The following SYK variants were observed in gnomAD, a reference collection of about 807,000 sequenced individuals.
The protein encoded by SYK is spleen associated tyrosine kinase, also known as tyrosine-protein kinase SYK.
Under a neutral mutation model 77.8 loss-of-function variants are expected in SYK, and 16 were observed. The ratio of observed to expected loss-of-function variants is 0.21; its 90% CI spans 0.14 to 0.31. The LOEUF (loss-of-function observed/expected upper bound fraction) is 0.31. Among genes scored for constraint, SYK ranks in the 10% least tolerant of loss-of-function variants. The pLI, the probability that SYK is intolerant of heterozygous loss-of-function variation, is 1.00. For missense variants in SYK, 529 were observed against 814.4 expected, an observed-to-expected ratio of 0.65 and a Z score of 4.26; for synonymous variants, 312 against 308.7, an observed-to-expected ratio of 1.01 and a Z score of -0.11.
chr9:90,844,448 A>G, intron 2 of SYK, 133 bp downstream of exon 2: 8 of 1,103,924 alleles, frequency 7.2e-6, no homozygotes, highest in Non-Finnish European at 2.5e-6. Flanking sequence ...TTAAGCATCA[A>G]TTTTGGCCAA....
chr9:90,895,734 C>A lies in SYK; in HGVS notation c.*134C>A. On this transcript the variant is annotated 3_prime_UTR_variant, in exon 14 of 14. Transcript: ENST00000375754. The surrounding 1 kb of genome is among the most constrained non-coding windows in gnomAD (Gnocchi z 4.4). ...AGGCTTGGATGGAACATGCCCACAA[C>A]TTGTCACCCAAAGCCTGTCCCAGGA... The A allele has an allele frequency of 2.6e-6, 2 of 780,808 alleles. No homozygotes were observed. The highest frequency in any genetic ancestry group is 1.6e-5 in the South Asian group (1 of 61,506). The allele number at this position is 780,808 out of a possible 1,614,324, so 48.4% of individuals were successfully genotyped here. A position where few individuals can be genotyped will look rare whatever the true frequency, so the allele number is the denominator to read the frequency against.
At chr9:90,855,882 T>C (rs1488463811) in intron 3 of SYK, among the ~76,000 whole-genome samples, 1 of 152,190 alleles carries the variant, frequency 6.6e-6, no homozygotes, top group Non-Finnish European at 1.5e-5. Flanking sequence ...GGGGATATGG[T>C]GTGAGCCTGT....
intron 3 of SYK, among the ~76,000 whole-genome samples, chr9:90,846,985 A>G (rs532484937): frequency 3.7e-4 from 56 of 152,372 alleles, no homozygotes; most frequent in African/African-American, 1.3e-3. Context: ...AGGCTGGCCA[A>G]CTTCTGCTGG....
intron 5 of SYK, 63 bp from the exon 6 acceptor site, chr9:90,864,985 G>A: frequency 6.7e-7 from 1 of 1,499,868 alleles, no homozygotes; most frequent in South Asian, 1.1e-5. Flanking sequence ...GATCTGCAGT[G>A]GGGAGGGGAA....
At position 90,808,653 on chromosome 9, in the gene SYK, C is replaced by G. The variant is rs148304352; in HGVS notation, c.-42+6760C>G. Among the ~76,000 whole-genome samples the G allele has an allele frequency of 2.8e-4, 43 of 152,194 alleles. 1 individual carries two copies. The East Asian group carries it at 7.9e-3, about 28-fold the overall frequency. On this transcript the variant is annotated intron_variant, in intron 1 of 13. Transcript: ENST00000375754. ...TGGGTATGGCCATGCCTTCCCTATT[C>G]AAACGAAGCCACACACCTGTCTTTT...
At chr9:90,894,370 C>T (rs939568468) in intron 13 of SYK, among the ~76,000 whole-genome samples, 1 of 152,208 alleles carries the variant, frequency 6.6e-6, no homozygotes, top group African/African-American at 2.4e-5. Flanking sequence ...CAGACATGAC[C>T]ACAGATGGCT....
chr9:90,867,005 T>A, intron 6 of SYK, 126 bp from the exon 7 acceptor site: 3 of 980,492 alleles, frequency 3.1e-6, no homozygotes, highest in Non-Finnish European at 4.7e-6. Flanking sequence ...GTCGATCTCA[T>A]TGGCAGGGAC....
chr9:90,830,975 C>A (rs1386882330), intron 1 of SYK, among the ~76,000 whole-genome samples: 1 of 152,202 alleles, frequency 6.6e-6, no homozygotes, highest in African/African-American at 2.4e-5. Flanking sequence ...AGAGGAAATT[C>A]CTAGGCACAT....
intron 1 of SYK, among the ~76,000 whole-genome samples, chr9:90,838,954 G>A (rs983198344): frequency 6.6e-6 from 1 of 152,196 alleles, no homozygotes; most frequent in Non-Finnish European, 1.5e-5. Context: ...GGTGGGGGTG[G>A]CAGAGATGCC....
At chr9:90,816,060 T>C (rs1825281580) in intron 1 of SYK, among the ~76,000 whole-genome samples, 2 of 152,192 alleles carry the variant, frequency 1.3e-5, no homozygotes, top group South Asian at 4.1e-4. Context: ...TCATTGTTTT[T>C]TGTTTGTTTG....
At chr9:90,843,245 G>A (rs1057070758) in intron 1 of SYK, among the ~76,000 whole-genome samples, 8 of 152,160 alleles carry the variant, frequency 5.3e-5, no homozygotes, top group Admixed American at 4.6e-4. Context: ...GGCTGGAGGT[G>A]GGAAGGCCTT....
At chr9:90,839,633 T>A (rs565096070) in intron 1 of SYK, among the ~76,000 whole-genome samples, 110 of 152,354 alleles carry the variant, frequency 7.2e-4, no homozygotes, top group African/African-American at 2.4e-3. Context: ...AAGATTTATA[T>A]GAATTAAAAA....
intron 1 of SYK, among the ~76,000 whole-genome samples, chr9:90,840,153 G>A (rs1414198400): frequency 6.6e-6 from 1 of 152,192 alleles, no homozygotes; most frequent in African/African-American, 2.4e-5. Flanking sequence ...CAAGTCCTGC[G>A]GAGGACTCCT....
At chr9:90,871,965 ATAGAC>A (rs1827744141) in intron 7 of SYK, among the ~76,000 whole-genome samples, 2 of 152,226 alleles carry the variant, frequency 1.3e-5, no homozygotes, top group Non-Finnish European at 2.9e-5. Context: ...ATAAGCCAAG[ATAGAC>A]TAGGGGTGAA....
At chr9:90,848,411 G>A (rs1396267676) in intron 3 of SYK, among the ~76,000 whole-genome samples, 1 of 152,228 alleles carries the variant, frequency 6.6e-6, no homozygotes, top group Non-Finnish European at 1.5e-5. Context: ...GGCCAACGTT[G>A]CAGGAAGTCC....
chr9:90,852,809 C>T (rs1362631501), intron 3 of SYK, among the ~76,000 whole-genome samples: 1 of 152,200 alleles, frequency 6.6e-6, no homozygotes, highest in African/African-American at 2.4e-5. Flanking sequence ...TTCAACCAGA[C>T]ATGCAGCAGG....
intron 11 of SYK, among the ~76,000 whole-genome samples, chr9:90,882,278 A>G (rs565062900): frequency 6.6e-6 from 1 of 152,376 alleles, no homozygotes; most frequent in African/African-American, 2.4e-5. Context: ...TTAAAATAGC[A>G]CACAAGGTGA....
chr9:90,808,388 G>A (rs568193528), intron 1 of SYK, among the ~76,000 whole-genome samples: 8 of 151,132 alleles, frequency 5.3e-5, no homozygotes, highest in African/African-American at 1.9e-4. Context: ...CAGTTCATCT[G>A]CTTGCATGCT....
At chr9:90,867,633 T>C (rs1374358114) in intron 7 of SYK, among the ~76,000 whole-genome samples, 1 of 152,218 alleles carries the variant, frequency 6.6e-6, no homozygotes, top group East Asian at 1.9e-4. Flanking sequence ...TGAGGCGCGC[T>C]GCACAGTGAG....
Sources: gnomAD v4.1 joint callset for allele counts (sites outside exome capture counted in the v4.1 genomes callset) on GRCh38, gnomAD v4.1.1 for gene constraint, Gnocchi (gnomAD v3.1) non-coding constraint, MANE v1.5 for transcripts, NCBI Gene and HGNC (gene_info 2026-07-23, HGNC 2026-07-21) for gene names.